The following AAR2 variants were observed in gnomAD, a reference collection of about 807,000 sequenced individuals.
AAR2 encodes the protein protein AAR2 homolog.
Under a neutral mutation model 26.9 loss-of-function variants are expected in AAR2, and 31 were observed. That is an observed-to-expected ratio of 1.15 (90% CI 0.86 to 1.55). AAR2 has a LOEUF of 1.55. Ranked by LOEUF, AAR2 falls within the 40% of genes most tolerant of loss-of-function variation. AAR2 has a pLI of 0.00. For synonymous variants in AAR2, 188 were observed against 196.1 expected (o/e 0.96, Z 0.34); for missense variants, 430 against 491.3 (o/e 0.88, Z 1.18).
intron 3 of AAR2, among the ~76,000 whole-genome samples, chr20:36,252,192 C>T (rs1171364149): frequency 4.6e-5 from 7 of 152,144 alleles, no homozygotes; most frequent in African/African-American, 1.7e-4. Flanking sequence ...GCTGCCTTCT[C>T]CTTAGGATGA....
chr20:36,239,368 C>A (rs1463352363), intron 1 of AAR2, among the ~76,000 whole-genome samples: 2 of 152,144 alleles, frequency 1.3e-5, no homozygotes, highest in African/African-American at 4.8e-5. Flanking sequence ...CTTTCCAAAT[C>A]TTTTGGGATA....
chr20:36,255,107 A>C (rs1182894205), intron 3 of AAR2, among the ~76,000 whole-genome samples: 1 of 152,194 alleles, frequency 6.6e-6, no homozygotes, highest in Non-Finnish European at 1.5e-5. Context: ...AATCAAAGAC[A>C]GCTTTTAAGG....
intron 1 of AAR2, among the ~76,000 whole-genome samples, chr20:36,237,158 G>A (rs1466879703): frequency 6.6e-6 from 1 of 152,222 alleles, no homozygotes; most frequent in Non-Finnish European, 1.5e-5. Context: ...GGAACAGAGA[G>A]CTTGTGGGGG....
intron 3 of AAR2, among the ~76,000 whole-genome samples, chr20:36,250,728 G>C (rs991805133): frequency 6.6e-6 from 1 of 152,034 alleles, no homozygotes; most frequent in Admixed American, 6.6e-5. Flanking sequence ...AAATTTATAC[G>C]CACCTTCAAA....
intron 1 of AAR2, 53 bp downstream of exon 1, chr20:36,236,556 T>C (rs1425792525): frequency 6.6e-6 from 1 of 152,252 alleles, no homozygotes; most frequent in African/African-American, 2.4e-5. Flanking sequence ...TGTGTATGTG[T>C]GGCTGGGCCG....
intron 3 of AAR2, among the ~76,000 whole-genome samples, chr20:36,245,726 C>T (rs369276823): frequency 2.6e-5 from 4 of 152,266 alleles, no homozygotes; most frequent in African/African-American, 7.2e-5. Context: ...GACGAGCATT[C>T]GTTAAATATT....
chr20:36,237,378 G>C (rs1000142299), intron 1 of AAR2, among the ~76,000 whole-genome samples: 1 of 152,202 alleles, frequency 6.6e-6, no homozygotes, highest in Non-Finnish European at 1.5e-5. Context: ...AGTGAGGGAC[G>C]ATGGTAGCTT....
Position 36,255,807 on chromosome 20 carries a change from C to T in AAR2, c.*62C>T, listed in dbSNP as rs1287684482. On this transcript the variant is annotated 3_prime_UTR_variant, in exon 4 of 4. Transcript: ENST00000320849. ...CACAGGGCTGCAGTCCTGGCCTCTC[C>T]ATTTACTTCTTCCCATCCTGGGACC... is the stretch of plus-strand genomic sequence containing the variant. 6.3e-7 allele frequency: 1 copy of T among 1,579,908 alleles called. No individual in the cohort carries two copies. The highest frequency in any genetic ancestry group is 8.6e-7 in the Non-Finnish European group (1 of 1,160,582).
chr20:36,241,400 A>G (rs1251188727), intron 2 of AAR2, among the ~76,000 whole-genome samples: 2 of 152,176 alleles, frequency 1.3e-5, no homozygotes, highest in Non-Finnish European at 2.9e-5. Context: ...TCATGTCACT[A>G]ACAGTCACTT....
At chr20:36,238,945 G>A (rs1300250950) in intron 1 of AAR2, among the ~76,000 whole-genome samples, 1 of 152,080 alleles carries the variant, frequency 6.6e-6, no homozygotes, top group African/African-American at 2.4e-5. Flanking sequence ...AAATTAGTCA[G>A]GTAGGTATCT....
Position 36,239,986 on chromosome 20 carries a change from G to C in AAR2, c.118G>C (p.Glu40Gln). The change falls in exon 2 of 4, where the codon GAG becomes CAG. Residue 40 changes from glutamate (E) to glutamine (Q), a missense_variant. By Grantham distance (29) the Glu-to-Gln change is conservative. Transcript: ENST00000320849. ...TEFGIDYNSW[E>Q]VGPKFRGVKM... ...GTTTGGGATTGACTATAACTCCTGG[G>C]AGGTCGGGCCCAAGTTCCGGGGCGT... is the stretch of plus-strand genomic sequence containing the variant. 2.5e-6 allele frequency: 4 copies of C among 1,614,230 alleles called. No individual in the cohort carries two copies. Among genetic ancestry groups the C allele is most frequent in the Non-Finnish European group, 3.4e-6 (4 of 1,180,046 alleles).
At position 36,244,681 on chromosome 20, in the gene AAR2, T is replaced by C. The variant is rs1235150372; in HGVS notation, c.758-16T>C. On this transcript the variant is annotated splice_polypyrimidine_tract_variant and intron_variant, in intron 2 of 3. Transcript: ENST00000320849. ...TCCTCTCCCTCAGAATCACTTCTCC[T>C]CTCTGCACCTTTCAGGTGAACTCCA... 9.4e-7 allele frequency: 1 copy of C among 1,065,396 alleles called. No homozygotes were observed. The highest frequency in any genetic ancestry group is 1.3e-6 in the Non-Finnish European group (1 of 787,774). 66.0% of individuals were successfully genotyped at this position (1,065,396 alleles called of 1,614,324 possible).
chr20:36,237,506 T>C (rs1194126035), intron 1 of AAR2, among the ~76,000 whole-genome samples: 1 of 152,110 alleles, frequency 6.6e-6, no homozygotes, highest in Admixed American at 6.6e-5. Flanking sequence ...TCTATGCATA[T>C]TTAATAAACG....
At chr20:36,238,030 C>G (rs372358050) in intron 1 of AAR2, among the ~76,000 whole-genome samples, 1 of 151,850 alleles carries the variant, frequency 6.6e-6, no homozygotes, top group African/African-American at 2.4e-5. Context: ...ATTATCCATC[C>G]GCCTCGGCCT....
chr20:36,250,490 GAATC>G (rs1208084768), intron 3 of AAR2, among the ~76,000 whole-genome samples: 1 of 152,140 alleles, frequency 6.6e-6, no homozygotes, highest in Non-Finnish European at 1.5e-5. Flanking sequence ...GAAAATAAAA[GAATC>G]AGAATAAGTT....
At chr20:36,246,731 A>T (rs1435733152) in intron 3 of AAR2, among the ~76,000 whole-genome samples, 1 of 152,244 alleles carries the variant, frequency 6.6e-6, no homozygotes, top group Non-Finnish European at 1.5e-5. Context: ...TACAAAGCAG[A>T]AAGTGCCCAG....
chr20:36,244,895 C>G lies in AAR2; in HGVS notation c.956C>G (p.Ser319Cys). ...GCTGACTTCTTCGTAGACATTGTCT[C>G]CCAAGACAACTTCCTCACCAGCACC... ...IPADFFVDIVSQDNFLTSTLQ... is the reference protein window; with the variant it reads ...IPADFFVDIVCQDNFLTSTLQ... The change falls in exon 3 of 4, where the codon TCC becomes TGC. Residue 319 changes from serine (S) to cysteine (C), a missense_variant. Transcript: ENST00000320849. 1.2e-6 allele frequency: 2 copies of G among 1,614,138 alleles called. No individual in the cohort carries two copies. The highest frequency in any genetic ancestry group is 1.7e-6 in the Non-Finnish European group (2 of 1,179,994).
chr20:36,247,908 A>C (rs1011523564), intron 3 of AAR2, among the ~76,000 whole-genome samples: 7 of 151,828 alleles, frequency 4.6e-5, no homozygotes, highest in African/African-American at 9.7e-5. Context: ...GTAAAAAAAA[A>C]CACAATTTAA....
At position 36,240,089 on chromosome 20, in the gene AAR2, G is replaced by A. The variant is rs769382754; in HGVS notation, c.221G>A (p.Arg74His). 1.4e-5 allele frequency: 22 copies of A among 1,614,098 alleles called. No homozygotes were observed. Among genetic ancestry groups the A allele is most frequent in the Middle Eastern group, 1.6e-4 (1 of 6,084 alleles). ...DKANPKEVGP[R>H]MGFFLSLHQR... Reference sequence around the variant, plus strand: ...GCTAATCCGAAGGAAGTAGGCCCTCGTATGGGTTTCTTCCTTAGCCTGCAC... The same window carrying A: ...GCTAATCCGAAGGAAGTAGGCCCTCATATGGGTTTCTTCCTTAGCCTGCAC... The change falls in exon 2 of 4, where the codon CGT becomes CAT. Residue 74 changes from arginine (R) to histidine (H), a missense_variant. By Grantham distance (29) the Arg-to-His change is conservative. Coordinates refer to ENST00000320849, the MANE Select transcript of AAR2 (RefSeq NM_001271874.2).
Sources: gnomAD v4.1 joint callset for allele counts (sites outside exome capture counted in the v4.1 genomes callset) on GRCh38, gnomAD v4.1.1 for gene constraint, MANE v1.5 for transcripts, NCBI Gene and HGNC (gene_info 2026-07-23, HGNC 2026-07-21) for gene names.